Variants in SERPINF1 observed in about 807,000 individuals in gnomAD.
SERPINF1 encodes pigment epithelium-derived factor.
SERPINF1 carries 29 observed loss-of-function variants against 37.3 expected under a neutral mutation model. That is an observed-to-expected ratio of 0.78 (90% CI 0.58 to 1.06). The LOEUF (loss-of-function observed/expected upper bound fraction) is 1.06, where lower values mean the gene tolerates loss of function less well. SERPINF1 is among the 50% of genes least tolerant of loss of function. The pLI is 0.00. For missense variants in SERPINF1, 553 were observed against 532.2 expected (o/e 1.04, Z -0.38); for synonymous variants, 281 against 227.9 (o/e 1.23, Z -2.10).
intron 6 of SERPINF1, among the ~76,000 whole-genome samples, chr17:1,775,688 C>A (rs185860009): frequency 1.3e-5 from 2 of 152,042 alleles, no homozygotes; most frequent in African/African-American, 4.8e-5. Flanking sequence ...GGATTACAGG[C>A]GTGTGCCACC....
At chr17:1,769,181 G>A (rs982066861) in intron 2 of SERPINF1, among the ~76,000 whole-genome samples, 1 of 151,034 alleles carries the variant, frequency 6.6e-6, no homozygotes, top group South Asian at 2.1e-4. Context: ...AGACCGAGGC[G>A]GGTGGATCAC....
chr17:1,771,774 G>A (rs1907751048), intron 4 of SERPINF1, 98 bp from the exon 5 acceptor site: 1 of 1,191,100 alleles, frequency 8.4e-7, no homozygotes, highest in East Asian at 2.4e-5. Context: ...GTCAGGGCCT[G>A]CTGAGCGCTA....
chr17:1,766,864 C>G (rs774938967), intron 1 of SERPINF1, 39 bp from the exon 2 acceptor site: 5 of 1,533,082 alleles, frequency 3.3e-6, no homozygotes, highest in East Asian at 4.9e-5. Flanking sequence ...AGTGCAGTGT[C>G]GGGGGAGAGC....
At position 1,777,263 on chromosome 17, in the gene SERPINF1, C is replaced by G. The variant is rs139643371; in HGVS notation, c.1074C>G (p.His358Gln). 1 of 1,614,030 alleles carries G rather than the reference C, an allele frequency of 6.2e-7. No homozygotes were observed. The highest frequency in any genetic ancestry group is 8.5e-7 in the Non-Finnish European group (1 of 1,180,046). ...CCATCAAGCTGACTCAGGTGGAACACCGGGCTGGCTTTGAGTGGAACGAGG... is the reference window on the plus strand; with the variant it reads ...CCATCAAGCTGACTCAGGTGGAACAGCGGGCTGGCTTTGAGTGGAACGAGG... ...GKPIKLTQVE[H>Q]RAGFEWNEDG... Residue 358 changes from histidine (H) to glutamine (Q), a missense_variant, in exon 8 of 8, where the codon CAC (histidine) becomes CAG (glutamine). Coordinates refer to ENST00000254722, the MANE Select transcript of SERPINF1 (RefSeq NM_002615.7).
chr17:1,772,557 CATTT>C (rs932066922), intron 5 of SERPINF1, among the ~76,000 whole-genome samples: 47 of 150,086 alleles, frequency 3.1e-4, no homozygotes, highest in South Asian at 1.7e-3. Context: ...GGCCCTTTTA[CATTT>C]ATTTATTTAT....
At chr17:1,766,810 AC>A in intron 1 of SERPINF1, 92 bp from the exon 2 acceptor site, 2 of 1,269,856 alleles carry the variant, frequency 1.6e-6, no homozygotes, top group South Asian at 2.6e-5. Flanking sequence ...GCCCTGCCCA[AC>A]CCCTGGGTCC....
chr17:1,762,497 C>T lies in SERPINF1; in HGVS notation c.-9+384C>T, dbSNP rs577671330. 7.2e-5 allele frequency among the ~76,000 whole-genome samples: 11 copies of T among 152,328 alleles called. No homozygotes were observed. The East Asian group carries it at 7.7e-4, about 11-fold the overall frequency. On this transcript the variant is annotated intron_variant, in intron 1 of 7. Coordinates refer to ENST00000254722, the MANE Select transcript of SERPINF1 (RefSeq NM_002615.7). ...CTGGAGCCCGAGGCAAGGAGGCTCA[C>T]GGGAGCTGCTTCCACCAAGGGCAGT... is the stretch of plus-strand genomic sequence containing the variant.
chr17:1,768,671 C>T (rs1214221075), intron 2 of SERPINF1, among the ~76,000 whole-genome samples: 2 of 151,696 alleles, frequency 1.3e-5, no homozygotes, highest in African/African-American at 4.8e-5. Flanking sequence ...GAGATGGGGC[C>T]TCACCATGTT....
chr17:1,763,854 T>G (rs965563633), intron 1 of SERPINF1, among the ~76,000 whole-genome samples: 2 of 152,228 alleles, frequency 1.3e-5, no homozygotes, highest in East Asian at 3.8e-4. Flanking sequence ...AGTCGCTCCT[T>G]CAAGTCCATT....
chr17:1,769,898 A>T lies in SERPINF1; in HGVS notation c.131A>T (p.Asp44Val), dbSNP rs1302046039. ...ACAGGGGCGCTGGTGGAGGAGGAGG[A>T]TCCTTTCTTCAAAGTCCCCGTGAAC... ...DSTGALVEEE[D>V]PFFKVPVNKL... Residue 44 changes from aspartate (D) to valine (V), a missense_variant, in exon 3 of 8, where the codon GAT becomes GTT. Asp to Val is a radical substitution (Grantham distance 152, BLOSUM62 -3). Coordinates refer to ENST00000254722, the MANE Select transcript of SERPINF1 (RefSeq NM_002615.7). The T allele has an allele frequency of 1.2e-5, 19 of 1,614,126 alleles. No homozygotes were observed. Among genetic ancestry groups the T allele is most frequent in the Non-Finnish European group, 1.6e-5 (19 of 1,180,016 alleles).
intron 7 of SERPINF1, 67 bp from the exon 8 acceptor site, chr17:1,777,120 A>AGG (rs1192894563): frequency 6.2e-7 from 1 of 1,611,824 alleles, no homozygotes; most frequent in Non-Finnish European, 8.5e-7. Context: ...TTGCTTGCAA[A>AGG]GGGATCCCTT....
Position 1,766,718 on chromosome 17 carries a change from TG to T in SERPINF1, c.-8-182del, listed in dbSNP as rs905171732. The stretch of plus-strand genomic sequence containing the variant: ...GGCGGGAGAACCTTGCTGGGAGGGA[TG>T]GGCCATCAAGCTGAGGGTCCACTTC... On this transcript the variant is annotated intron_variant, in intron 1 of 7. Transcript: ENST00000254722. The T allele has an allele frequency of 3.1e-5, 17 of 553,338 alleles. No individual in the cohort carries two copies. In the African/African-American group the frequency reaches 4.3e-4, roughly 14 times the overall value. The allele number at this position is 553,338 out of a possible 1,614,324, so 34.3% of individuals were successfully genotyped here.
intron 4 of SERPINF1, 137 bp from the exon 5 acceptor site, chr17:1,771,735 G>C (rs1397463239): frequency 1.2e-6 from 1 of 823,890 alleles, no homozygotes; most frequent in African/African-American, 1.7e-5. Flanking sequence ...AGAAGTCCTG[G>C]CAAGTCACAG....
chr17:1,770,030 C>G lies in SERPINF1; in HGVS notation c.263C>G (p.Ala88Gly). 2 of 1,614,156 alleles carry G rather than the reference C, an allele frequency of 1.2e-6. No individual in the cohort carries two copies. The highest frequency in any genetic ancestry group is 1.7e-6 in the Non-Finnish European group (2 of 1,180,000). Reference protein sequence around the residue: ...VLLSPLSVATALSALSLGAEQ... With the variant: ...VLLSPLSVATGLSALSLGAEQ... Reference sequence around the variant, plus strand: ...CTGTCTCCTCTCAGTGTGGCCACGGCCCTCTCGGCCCTCTCGCTGGGTGAG... The same window carrying G: ...CTGTCTCCTCTCAGTGTGGCCACGGGCCTCTCGGCCCTCTCGCTGGGTGAG... Residue 88 changes from alanine to glycine, a missense_variant, in exon 3 of 8, where the codon GCC (alanine) becomes GGC (glycine). Ala to Gly is a moderately conservative substitution (Grantham distance 60, BLOSUM62 0). Coordinates refer to ENST00000254722, the MANE Select transcript of SERPINF1 (RefSeq NM_002615.7).
intron 5 of SERPINF1, among the ~76,000 whole-genome samples, chr17:1,773,242 C>T (rs1187190814): frequency 1.3e-5 from 2 of 152,040 alleles, no homozygotes; most frequent in Non-Finnish European, 2.9e-5. Context: ...TTGAGTCAGA[C>T]AAGATTTATT....
intron 5 of SERPINF1, 51 bp downstream of exon 5, chr17:1,772,126 T>C (rs1431591640): frequency 4.5e-6 from 7 of 1,556,918 alleles, no homozygotes; most frequent in Non-Finnish European, 6.1e-6. Context: ...TTTTAACTAA[T>C]TAATTAATTC....
chr17:1,765,727 T>C (rs968016795), intron 1 of SERPINF1, among the ~76,000 whole-genome samples: 1 of 152,012 alleles, frequency 6.6e-6, no homozygotes, highest in Non-Finnish European at 1.5e-5. Context: ...TGTGATGGCA[T>C]GCGCCTGCAG....
chr17:1,772,933 A>G (rs1217658842), intron 5 of SERPINF1, among the ~76,000 whole-genome samples: 1 of 152,014 alleles, frequency 6.6e-6, no homozygotes, highest in Non-Finnish European at 1.5e-5. Context: ...TGATCCTCCC[A>G]CCTCGGCCTC....
In SERPINF1 at chr17:1,776,333, T is replaced by G. The variant is rs576202019; in HGVS notation, c.787-199T>G. 667 of 626,080 alleles carry G rather than the reference T, an allele frequency of 1.1e-3. 5 individuals are homozygous for G. In the African/African-American group the frequency reaches 0.011, roughly 10 times the overall value. 38.8% of individuals were successfully genotyped at this position (626,080 alleles called of 1,614,324 possible). A position where few individuals can be genotyped will look rare whatever the true frequency, so the allele number is the denominator to read the frequency against. On this transcript the variant is annotated intron_variant, in intron 6 of 7. Transcript: ENST00000254722. ...GCCAAGGTAAGAAAGGCCAACAGCATCCTTTCTGAAGAAACCTCAGGAGAT... is the reference window on the plus strand; with the variant it reads ...GCCAAGGTAAGAAAGGCCAACAGCAGCCTTTCTGAAGAAACCTCAGGAGAT...
Sources: gnomAD v4.1 joint callset for allele counts (sites outside exome capture counted in the v4.1 genomes callset) on GRCh38, gnomAD v4.1.1 for gene constraint, MANE v1.5 for transcripts, NCBI Gene and HGNC (gene_info 2026-07-23, HGNC 2026-07-21) for gene names.